The following RSAD1 variants were observed in gnomAD, a reference collection of about 807,000 sequenced individuals.
RSAD1 encodes radical S-adenosyl methionine domain-containing protein 1, mitochondrial.
Under a neutral mutation model 46.2 loss-of-function variants are expected in RSAD1, and 34 were observed. That is an observed-to-expected ratio of 0.74 (90% CI 0.56 to 0.98). RSAD1 has a LOEUF of 0.98. Ranked by LOEUF, RSAD1 falls within the 50% of genes least tolerant of loss-of-function variation. The pLI is 0.00. For synonymous variants in RSAD1, 260 were observed against 253.5 expected, an observed-to-expected ratio of 1.03 and a Z score of -0.24; for missense variants, 635 against 592.3, an observed-to-expected ratio of 1.07 and a Z score of -0.75.
At chr17:50,480,936 C>T (rs559469931) in intron 3 of RSAD1, among the ~76,000 whole-genome samples, 37 of 152,142 alleles carry the variant, frequency 2.4e-4, no homozygotes, top group Non-Finnish European at 4.1e-4. Context: ...TGAGATCTAC[C>T]GTCTTAACAA....
At chr17:50,481,414 C>T (rs2033378825) in intron 3 of RSAD1, among the ~76,000 whole-genome samples, 1 of 152,222 alleles carries the variant, frequency 6.6e-6, no homozygotes, top group South Asian at 2.1e-4. Flanking sequence ...TCTATAACTG[C>T]TATTCAATAT....
At position 50,484,449 on chromosome 17, in the gene RSAD1, A is replaced by G. The variant is rs925567056; in HGVS notation, c.1115A>G (p.Gln372Arg). 8.1e-6 allele frequency: 13 copies of G among 1,613,480 alleles called. No individual in the cohort carries two copies. The African/African-American group carries it at 1.6e-4, about 20-fold the overall frequency. Residue 372 changes from glutamine (Q) to arginine (R), a missense_variant, in exon 8 of 9, where the codon CAG (glutamine) becomes CGG (arginine). Physicochemically the swap from Gln to Arg is conservative, Grantham distance 43 (BLOSUM62 1). Transcript: ENST00000258955. The stretch of plus-strand genomic sequence containing the variant: ...ACCCTCTGGCTTCCCCAGCACTGGC[A>G]GCAGTTTGAGCCCCAGCTGACCCTG... ...TDVGITHQHW[Q>R]QFEPQLTLWD...
In RSAD1 at chr17:50,482,119, T is replaced by G; in HGVS notation, c.503T>G (p.Leu168Trp). Reference protein sequence around the residue: ...QSLDDTELRLLGRTHSACDAL... With the variant: ...QSLDDTELRLWGRTHSACDAL... ...CTAGATGACACTGAGCTCCGGCTGT[T>G]GGGACGGACGCACTCGGCCTGCGAT... The change falls in exon 4 of 9, where the codon TTG becomes TGG. Residue 168 changes from leucine (L) to tryptophan (W), a missense_variant. By Grantham distance (61) the Leu-to-Trp change is moderately conservative (BLOSUM62 -2). Coordinates refer to ENST00000258955, the MANE Select transcript of RSAD1 (RefSeq NM_018346.3). 1.9e-6 allele frequency: 3 copies of G among 1,583,892 alleles called. No individual in the cohort carries two copies. Among genetic ancestry groups the G allele is most frequent in the Non-Finnish European group, 2.6e-6 (3 of 1,161,988 alleles).
Position 50,483,468 on chromosome 17 carries a change from C to A in RSAD1, c.1033C>A (p.Pro345Thr). The change falls in exon 6 of 9, where the codon CCC becomes ACC. Residue 345 changes from proline (P) to threonine (T), a missense_variant. Transcript: ENST00000258955. ...LFGHGTRKRV[P>T]LGRLELLEEV... ...TGGCCATGGCACCCGGAAGCGTGTC[C>A]CCCTGGGCAGGCTGGAGCTGTGAGC... 1.9e-6 allele frequency: 3 copies of A among 1,613,034 alleles called. No individual in the cohort carries two copies. The highest frequency in any genetic ancestry group is 2.5e-6 in the Non-Finnish European group (3 of 1,179,534).
At chr17:50,483,820 C>T in intron 7 of RSAD1, 60 bp downstream of exon 7, 1 of 1,477,080 alleles carries the variant, frequency 6.8e-7, no homozygotes, top group Non-Finnish European at 9.2e-7. Context: ...ATCAATGCCC[C>T]CTCCCTGCCA....
In RSAD1 at chr17:50,484,994, G is replaced by A; in HGVS notation, c.*133G>A. 1.4e-6 allele frequency: 1 copy of A among 693,530 alleles called. No homozygotes were observed. Among genetic ancestry groups the A allele is most frequent in the Non-Finnish European group, 2.5e-6 (1 of 397,754 alleles). The allele number at this position is 693,530 out of a possible 1,614,324, so 43.0% of individuals were successfully genotyped here. A position where few individuals can be genotyped will look rare whatever the true frequency, so the allele number is the denominator to read the frequency against. ...TTATTGCTCAGCCCTGGCATCCCCA[G>A]GGGAATGGCAGCAGTGAGGTAGATG... On this transcript the variant is annotated 3_prime_UTR_variant, in exon 9 of 9. Transcript: ENST00000258955.
At position 50,482,127 on chromosome 17, in the gene RSAD1, A is replaced by G; in HGVS notation, c.511A>G (p.Thr171Ala). Residue 171 changes from threonine (T) to alanine (A), a missense_variant, in exon 4 of 9, where the codon ACG (threonine) becomes GCG (alanine). Transcript: ENST00000258955. Reference sequence around the variant, plus strand: ...CACTGAGCTCCGGCTGTTGGGACGGACGCACTCGGCCTGCGATGCTCTGCG... The same window carrying G: ...CACTGAGCTCCGGCTGTTGGGACGGGCGCACTCGGCCTGCGATGCTCTGCG... ...DDTELRLLGR[T>A]HSACDALRTL... 6.3e-7 allele frequency: 1 copy of G among 1,588,362 alleles called. No homozygotes were observed. The highest frequency in any genetic ancestry group is 1.1e-5 in the South Asian group (1 of 88,500).
At position 50,481,539 on chromosome 17, in the gene RSAD1, A is replaced by G. The variant is rs547591886; in HGVS notation, c.475-552A>G. Among the ~76,000 whole-genome samples the G allele has an allele frequency of 1.1e-4, 17 of 152,368 alleles. No individual in the cohort carries two copies. The South Asian group carries it at 3.5e-3, about 32-fold the overall frequency. On this transcript the variant is annotated intron_variant, in intron 3 of 8. Coordinates refer to ENST00000258955, the MANE Select transcript of RSAD1 (RefSeq NM_018346.3). ...ACCTATCATATTGGACAGTACAGAT[A>G]TGAACATTTCCACCATTGTAGAAAG...
In RSAD1 at chr17:50,484,845, C is replaced by G. The variant is rs759473250; in HGVS notation, c.1313C>G (p.Pro438Arg). Residue 438 changes from proline to arginine, a missense_variant, in exon 9 of 9, where the codon CCT (proline) becomes CGT (arginine). Coordinates refer to ENST00000258955, the MANE Select transcript of RSAD1 (RefSeq NM_018346.3). Reference sequence around the variant, plus strand: ...GCCTGGCAGCAGAGAACCCCCTCCCCTGTGCCAGGAGGATGACAAAAATGT... The same window carrying G: ...GCCTGGCAGCAGAGAACCCCCTCCCGTGTGCCAGGAGGATGACAAAAATGT... ...QEAWQQRTPS[P>R]VPGG 1 of 1,613,924 alleles carries G rather than the reference C, an allele frequency of 6.2e-7. No individual in the cohort carries two copies. The highest frequency in any genetic ancestry group is 1.7e-5 in the Admixed American group (1 of 59,998).
At chr17:50,479,368 A>G (rs2033350539) in intron 1 of RSAD1, 1 of 510,082 alleles carries the variant, frequency 2.0e-6, no homozygotes, top group Non-Finnish European at 3.4e-6. Context: ...GATCCCAGAA[A>G]GAGCTTGGGT....
intron 7 of RSAD1, 22 bp from the exon 8 acceptor site, chr17:50,484,420 T>C (rs575434214): frequency 1.2e-6 from 2 of 1,609,604 alleles, no homozygotes; most frequent in African/African-American, 2.7e-5. Flanking sequence ...GCTCCCCACC[T>C]CTGACCCTCT....
chr17:50,479,704 A>C lies in RSAD1; in HGVS notation c.211A>C (p.Met71Leu). 1 of 1,613,944 alleles carries C rather than the reference A, an allele frequency of 6.2e-7. No individual in the cohort carries two copies. The highest frequency in any genetic ancestry group is 8.5e-7 in the Non-Finnish European group (1 of 1,179,928). The change falls in exon 2 of 9, where the codon ATG (methionine) becomes CTG (leucine). Residue 71 changes from methionine (M) to leucine (L), a missense_variant. Coordinates refer to ENST00000258955, the MANE Select transcript of RSAD1 (RefSeq NM_018346.3). ...YIPRRLEEAA[M>L]QKCLVTEAQT... ...CCCTCGCCGCCTGGAGGAGGCTGCC[A>C]TGCAGAAGTGTCTGGTGACCGAAGC...
intron 3 of RSAD1, 45 bp downstream of exon 3, chr17:50,480,129 G>A (rs1567869411): frequency 6.3e-7 from 1 of 1,583,790 alleles, no homozygotes; most frequent in Non-Finnish European, 8.7e-7. Flanking sequence ...CCGCCCTTCA[G>A]TGCCATCTCC....
rs2033345652 is a variant in RSAD1 at position 50,479,014 on chromosome 17, G to C, written c.130G>C (p.Val44Leu). The change falls in exon 1 of 9, where the codon GTA (valine) becomes CTA (leucine). Residue 44 changes from valine to leucine, a missense_variant. Physicochemically the swap from Val to Leu is conservative, Grantham distance 32. Transcript: ENST00000258955. ...EPAGRRAALY[V>L]HWPYCEKRCS... ...TGCGGGCCGGCGCGCGGCGCTTTACGTACACGTGAGTAGGGGCGGGGGCGG... is the reference window on the plus strand; with the variant it reads ...TGCGGGCCGGCGCGCGGCGCTTTACCTACACGTGAGTAGGGGCGGGGGCGG... 1.5e-6 allele frequency: 2 copies of C among 1,355,352 alleles called. No homozygotes were observed. Among genetic ancestry groups the C allele is most frequent in the South Asian group, 2.0e-5 (1 of 51,140 alleles). 84.0% of individuals were successfully genotyped at this position (1,355,352 alleles called of 1,614,324 possible). A position where few individuals can be genotyped will look rare whatever the true frequency, so the allele number is the denominator to read the frequency against.
Position 50,483,639 on chromosome 17 carries a change from G to A in RSAD1, c.1053-67G>A, listed in dbSNP as rs1172703949. ...TAGCCTCCTCTAAATGCATCCCAGT[G>A]TAGAATTTGGAGAATGGGAGGAGCA... is the stretch of plus-strand genomic sequence containing the variant. On this transcript the variant is annotated intron_variant, in intron 6 of 8. Transcript: ENST00000258955. 8.1e-6 allele frequency: 13 copies of A among 1,602,596 alleles called. No homozygotes were observed. The East Asian group carries it at 2.5e-4, about 30-fold the overall frequency.
Position 50,478,984 on chromosome 17 carries a change from G to C in RSAD1, c.100G>C (p.Glu34Gln), listed in dbSNP as rs992778376. 1.4e-6 allele frequency: 2 copies of C among 1,391,498 alleles called. No homozygotes were observed. Among genetic ancestry groups the C allele is most frequent in the African/African-American group, 1.5e-5 (1 of 66,476 alleles). 86.2% of individuals were successfully genotyped at this position (1,391,498 alleles called of 1,614,324 possible). Reference protein sequence around the residue: ...VENAGGSPSPEPAGRRAALYV... With the variant: ...VENAGGSPSPQPAGRRAALYV... ...GAACGCAGGAGGGTCCCCGAGTCCT[G>C]AGCCTGCGGGCCGGCGCGCGGCGCT... is the stretch of plus-strand genomic sequence containing the variant. The change falls in exon 1 of 9, where the codon GAG becomes CAG. Residue 34 changes from glutamate (E) to glutamine (Q), a missense_variant. Physicochemically the swap from Glu to Gln is conservative, Grantham distance 29 (BLOSUM62 2). Transcript: ENST00000258955.
intron 6 of RSAD1, 107 bp downstream of exon 6, chr17:50,483,594 A>G (rs1009615552): frequency 1.3e-6 from 2 of 1,592,182 alleles, no homozygotes; most frequent in Non-Finnish European, 1.7e-6. Flanking sequence ...CTGCCTTGCC[A>G]CATACTGTAT....
intron 7 of RSAD1, chr17:50,484,202 G>T (rs1380811543): frequency 1.9e-6 from 1 of 531,536 alleles, no homozygotes; most frequent in African/African-American, 1.9e-5. Flanking sequence ...AGAGGGGAGG[G>T]AAGAGAGGAG....
Position 50,483,449 on chromosome 17 carries a change from T to A in RSAD1, c.1014T>A (p.His338Gln). 1 of 1,613,282 alleles carries A rather than the reference T, an allele frequency of 6.2e-7. No homozygotes were observed. Among genetic ancestry groups the A allele is most frequent in the Non-Finnish European group, 8.5e-7 (1 of 1,179,710 alleles). The change falls in exon 6 of 9, where the codon CAT becomes CAA. Residue 338 changes from histidine (H) to glutamine (Q), a missense_variant. By Grantham distance (24) the His-to-Gln change is conservative (BLOSUM62 0). Coordinates refer to ENST00000258955, the MANE Select transcript of RSAD1 (RefSeq NM_018346.3). ...TGAAGGAGGTGATGCTGTTTGGCCA[T>A]GGCACCCGGAAGCGTGTCCCCCTGG... ...NWMKEVMLFGHGTRKRVPLGR... is the reference protein window; with the variant it reads ...NWMKEVMLFGQGTRKRVPLGR...
Sources: allele counts gnomAD v4.1 joint callset (sites outside exome capture counted in the v4.1 genomes callset), GRCh38; gene constraint gnomAD v4.1.1; transcripts MANE v1.5; gene names NCBI Gene and HGNC (gene_info 2026-07-23, HGNC 2026-07-21).